PCDHGB3: variants seen among roughly 807,000 people sequenced by gnomAD.
PCDHGB3 encodes protocadherin gamma-B3.
PCDHGB3 carries 40 observed loss-of-function variants against 59.2 expected under a neutral mutation model. That is an observed-to-expected ratio of 0.68 (90% CI 0.52 to 0.88). The LOEUF is 0.88. PCDHGB3 is among the 40% of genes least tolerant of loss of function. The pLI, the probability that PCDHGB3 is intolerant of heterozygous loss-of-function variation, is 0.00. For synonymous variants in PCDHGB3, 581 were observed against 503.6 expected (o/e 1.15, Z -2.06); for missense variants, 1,309 against 1,187.9 (o/e 1.10, Z -1.50).
chr5:141,438,579 CATACATACATACATAT>C (rs1360889040), intron 1 of PCDHGB3, among the ~76,000 whole-genome samples: 18 of 55,776 alleles, frequency 3.2e-4, no homozygotes, highest in Non-Finnish European at 5.1e-4. Context: ...GATATACATA[CATACATACATACATAT>C]ATATATATAT....
At chr5:141,388,291 A>G (rs571418912) in intron 1 of PCDHGB3, 114 of 1,613,582 alleles carry the variant, frequency 7.1e-5, no homozygotes, top group Non-Finnish European at 2.5e-6. Context: ...TTCACGCAAA[A>G]TTCCTTTGAG....
At chr5:141,404,382 A>T in intron 1 of PCDHGB3, 2 of 1,613,978 alleles carry the variant, frequency 1.2e-6, no homozygotes, top group Non-Finnish European at 1.7e-6. Context: ...GTGATTGCCT[A>T]TGACCCTGAT....
chr5:141,437,831 G>C (rs923199746), intron 1 of PCDHGB3, among the ~76,000 whole-genome samples: 16 of 151,256 alleles, frequency 1.1e-4, no homozygotes, highest in African/African-American at 3.4e-4. Flanking sequence ...TCTGCCTCCT[G>C]GGTTCATGCT....
chr5:141,387,244 C>T (rs1267995802), intron 1 of PCDHGB3, among the ~76,000 whole-genome samples: 2 of 152,024 alleles, frequency 1.3e-5, no homozygotes, highest in South Asian at 2.1e-4. Context: ...CTTGGAGGTA[C>T]TTAGAAAAGT....
Position 141,404,638 on chromosome 5 carries a change from C to T in PCDHGB3, c.2415+31829C>T, listed in dbSNP as rs776247476. On this transcript the variant is annotated intron_variant, in intron 1 of 3. Coordinates refer to ENST00000576222, the MANE Select transcript of PCDHGB3 (RefSeq NM_018924.5). Reference sequence around the variant, plus strand: ...ACCAGAATGACAATGCCCCAGAAATCCTGTACCCTGCCCTCCCCACTGATG... The same window carrying T: ...ACCAGAATGACAATGCCCCAGAAATTCTGTACCCTGCCCTCCCCACTGATG... 5 of 1,614,194 alleles carry T rather than the reference C, an allele frequency of 3.1e-6. No homozygotes were observed. In the South Asian group the frequency reaches 5.5e-5, roughly 18 times the overall value.
intron 2 of PCDHGB3, among the ~76,000 whole-genome samples, chr5:141,500,259 A>G (rs1595658540): frequency 6.6e-6 from 1 of 151,044 alleles, no homozygotes; most frequent in East Asian, 2.0e-4. Context: ...CCCAGGCTGG[A>G]CTGCAGTGGC....
At position 141,491,561 on chromosome 5, in the gene PCDHGB3, A is replaced by C. The variant is rs1289732955; in HGVS notation, c.2416-3246A>C. The C allele has an allele frequency of 1.2e-6, 2 of 1,613,938 alleles. No homozygotes were observed. Among genetic ancestry groups the C allele is most frequent in the Admixed American group, 3.3e-5 (2 of 60,016 alleles). On this transcript the variant is annotated intron_variant, in intron 1 of 3. Transcript: ENST00000576222. This position sits in a 1 kb window ranked among gnomAD's most constrained non-coding sequence, Gnocchi z 6.9. ...CCCACAGACTCGCAGAGCCACTGCT[A>C]CAGGACGTGCTTTTCACCGGCCTCG...
At chr5:141,418,357 G>T (rs375883635) in intron 1 of PCDHGB3, 2 of 1,613,864 alleles carry the variant, frequency 1.2e-6, no homozygotes, top group African/African-American at 2.7e-5. Flanking sequence ...GTATGAATTC[G>T]CTGAGCAAAT....
intron 1 of PCDHGB3, among the ~76,000 whole-genome samples, chr5:141,483,648 T>TTGTGTGTG (rs111458813): frequency 0.019 from 2,886 of 149,692 alleles, 51 homozygotes; most frequent in African/African-American, 0.054. Flanking sequence ...GGGTGTGTGT[T>TTGTGTGTG]TGTGTGTGTG....
intron 3 of PCDHGB3, among the ~76,000 whole-genome samples, chr5:141,505,766 C>T (rs1420683619): frequency 2.0e-5 from 3 of 151,768 alleles, no homozygotes; most frequent in African/African-American, 4.8e-5. Context: ...CAGTGTAGCT[C>T]AGGTCCTAGC....
intron 1 of PCDHGB3, among the ~76,000 whole-genome samples, chr5:141,380,518 T>C (rs1166161347): frequency 1.3e-5 from 2 of 152,254 alleles, no homozygotes; most frequent in African/African-American, 2.4e-5. Context: ...CTTTAAACTA[T>C]GAAATGATTT....
rs370299433 is a variant in PCDHGB3 at position 141,476,360 on chromosome 5, G to A, written c.2416-18447G>A. 5.3e-5 allele frequency: 86 copies of A among 1,614,186 alleles called. No homozygotes were observed. The highest frequency in any genetic ancestry group is 6.7e-5 in the Non-Finnish European group (79 of 1,180,042). ...CCGAAGATTCTTTGAGGTGAACCGG[G>A]AGACCGGAGAGATGTTTGTGAACGA... On this transcript the variant is annotated intron_variant, in intron 1 of 3. Transcript: ENST00000576222. This position sits in a 1 kb window ranked among gnomAD's most constrained non-coding sequence, Gnocchi z 7.6.
At chr5:141,430,252 A>C (rs1292590200) in intron 1 of PCDHGB3, among the ~76,000 whole-genome samples, 1 of 102,244 alleles carries the variant, frequency 9.8e-6, no homozygotes, top group Admixed American at 1.0e-4. Context: ...CTAGGGAGAC[A>C]TCTCCATAAT....
intron 2 of PCDHGB3, among the ~76,000 whole-genome samples, chr5:141,503,398 C>A (rs1374324008): frequency 6.6e-6 from 1 of 151,784 alleles, no homozygotes; most frequent in African/African-American, 2.4e-5. Flanking sequence ...AGTTCGAAAC[C>A]AACCTGGCCA....
chr5:141,441,772 TG>T, intron 1 of PCDHGB3: 1 of 388,268 alleles, frequency 2.6e-6, no homozygotes, highest in South Asian at 2.0e-5. Flanking sequence ...CGCGTGTTGG[TG>T]GACGACCTGA....
chr5:141,421,665 C>G (rs1227312221), intron 1 of PCDHGB3: 4 of 1,613,854 alleles, frequency 2.5e-6, no homozygotes, highest in Non-Finnish European at 2.5e-6. Flanking sequence ...TCAGTGAGCA[C>G]GCAATTCCTG....
intron 1 of PCDHGB3, among the ~76,000 whole-genome samples, chr5:141,380,672 T>C (rs1401105927): frequency 1.3e-5 from 2 of 152,212 alleles, no homozygotes; most frequent in Non-Finnish European, 1.5e-5. Context: ...CTCCATAGGG[T>C]ATGTATGCTT....
intron 1 of PCDHGB3, chr5:141,421,801 A>G (rs754191783): frequency 6.2e-7 from 1 of 1,613,858 alleles, no homozygotes; most frequent in Middle Eastern, 1.6e-4. Flanking sequence ...TGGGGCCAAG[A>G]ATCCAGAGCT....
At chr5:141,428,142 C>T in intron 1 of PCDHGB3, 1 of 1,594,260 alleles carries the variant, frequency 6.3e-7, no homozygotes, top group Non-Finnish European at 8.6e-7. Flanking sequence ...CCTGGGGCTG[C>T]ACACGGGAAC....
Sources: gnomAD v4.1 joint callset for allele counts (sites outside exome capture counted in the v4.1 genomes callset) on GRCh38, gnomAD v4.1.1 for gene constraint, Gnocchi (gnomAD v3.1) non-coding constraint, MANE v1.5 for transcripts, NCBI Gene and HGNC (gene_info 2026-07-23, HGNC 2026-07-21) for gene names.